USP35: variants seen among roughly 807,000 people sequenced by gnomAD.
USP35 encodes the protein ubiquitin carboxyl-terminal hydrolase 35.
USP35 carries 69 observed loss-of-function variants against 83.8 expected under a neutral mutation model. The observed-to-expected ratio is 0.82, with a 90% CI of 0.68 to 1.01. The LOEUF is 1.01. Among genes scored for constraint, USP35 ranks in the 50% least tolerant of loss-of-function variants. The probability of loss-of-function intolerance (pLI) is 0.00; values close to 1 mark genes in which losing one functional copy is unlikely to be tolerated. For missense variants in USP35, 1,503 were observed against 1,362.5 expected, an observed-to-expected ratio of 1.10 and a Z score of -1.62; for synonymous variants, 714 against 589.5, an observed-to-expected ratio of 1.21 and a Z score of -3.06.
chr11:78,190,233 A>T (rs1862960535), intron 1 of USP35, among the ~76,000 whole-genome samples: 1 of 151,912 alleles, frequency 6.6e-6, no homozygotes, highest in South Asian at 2.1e-4. Flanking sequence ...AACCAGGAAC[A>T]GATTTTTGTT....
At chr11:78,230,554 T>A in the USP35 span, among the ~76,000 whole-genome samples, 1 of 152,242 alleles carries the variant, frequency 6.6e-6, no homozygotes, top group Non-Finnish European at 1.5e-5. Flanking sequence ...CTTATGTCAG[T>A]TATTCAGGTC....
the USP35 span, chr11:78,226,619 G>GGGGGGGGGGGGGGCC: frequency 2.1e-6 from 2 of 952,182 alleles, no homozygotes; most frequent in Non-Finnish European, 3.2e-6. Flanking sequence ...GGCGGGGTGG[G>GGGGGGGGGGGGGGCC]GGAGCTATGG....
At chr11:78,207,708 G>T (rs1017832005) in intron 8 of USP35, 85 bp downstream of exon 8, 15 of 1,358,354 alleles carry the variant, frequency 1.1e-5, no homozygotes, top group Non-Finnish European at 1.4e-5. Flanking sequence ...CCCAGGACCT[G>T]CCTGCATCTG....
At chr11:78,198,340 T>G (rs775105889) in intron 3 of USP35, among the ~76,000 whole-genome samples, 2 of 152,154 alleles carry the variant, frequency 1.3e-5, no homozygotes, top group Non-Finnish European at 2.9e-5. Flanking sequence ...TCAGCCTCAG[T>G]TTCCCCCTCT....
chr11:78,195,458 G>A (rs1863115746), intron 1 of USP35, among the ~76,000 whole-genome samples: 1 of 152,146 alleles, frequency 6.6e-6, no homozygotes, highest in African/African-American at 2.4e-5. Flanking sequence ...GAAAGAGTGC[G>A]AGGCATTCTG....
chr11:78,197,217 C>T (rs1863179429), intron 2 of USP35, among the ~76,000 whole-genome samples: 2 of 92,790 alleles, frequency 2.2e-5, no homozygotes, highest in South Asian at 7.1e-4. Flanking sequence ...GAGCAAGCCA[C>T]AGGATTTGGG....
At position 78,189,121 on chromosome 11, in the gene USP35, G is replaced by T. The variant is rs1862921161; in HGVS notation, c.-47G>T. ...TCGTCCTGCCCGGCCTGAGCGCCCC[G>T]CCCAGCAGCCGGCTCTGGCCCACCG... On this transcript the variant is annotated 5_prime_UTR_variant, in exon 1 of 11. Transcript: ENST00000529308. 3.5e-6 allele frequency: 1 copy of T among 282,010 alleles called. No homozygotes were observed. The highest frequency in any genetic ancestry group is 1.4e-4 in the South Asian group (1 of 7,346). The allele number at this position is 282,010 out of a possible 1,614,324, so 17.5% of individuals were successfully genotyped here.
chr11:78,233,585 A>G, the USP35 span, among the ~76,000 whole-genome samples: 4 of 152,112 alleles, frequency 2.6e-5, no homozygotes, highest in Non-Finnish European at 5.9e-5. Flanking sequence ...TGCGCGTTGA[A>G]TATTTTCTCG....
chr11:78,225,111 G>T, the USP35 span: 7 of 1,608,254 alleles, frequency 4.4e-6, no homozygotes, highest in Non-Finnish European at 4.3e-6. Flanking sequence ...CACTCACCAG[G>T]AAAGAGCCAA....
chr11:78,198,801 G>A (rs1863237013), intron 3 of USP35: 1 of 686,542 alleles, frequency 1.5e-6, no homozygotes, highest in Non-Finnish European at 1.8e-6. Flanking sequence ...CTCTGTTTGA[G>A]TTTCCTCAAC....
At chr11:78,189,444 G>A (rs1276367094) in intron 1 of USP35, among the ~76,000 whole-genome samples, 2 of 152,222 alleles carry the variant, frequency 1.3e-5, no homozygotes, top group African/African-American at 4.8e-5. Context: ...TTTTCGTGGG[G>A]CCCTCCAGCT....
rs1863154407 is a variant in USP35 at position 78,196,621 on chromosome 11, C to A, written c.376C>A (p.Arg126Ser). The A allele has an allele frequency of 6.1e-6, 8 of 1,302,950 alleles. No individual in the cohort carries two copies. The East Asian group carries it at 2.4e-4, about 40-fold the overall frequency. The allele number at this position is 1,302,950 out of a possible 1,614,324, so 80.7% of individuals were successfully genotyped here. The change falls in exon 2 of 11, where the codon CGC becomes AGC. Residue 126 changes from arginine to serine, a missense_variant. Transcript: ENST00000529308. The surrounding 1 kb of genome is among the most constrained non-coding windows in gnomAD (Gnocchi z 4.8). ...CGACGAGGTGTTCGCGCTGCTGCGG[C>A]GCGAGGTGCTGCGCACCGTGTGCGA... ...AADEVFALLR[R>S]EVLRTVCERP...
rs868485745 is a variant in USP35 at position 78,214,103 on chromosome 11, C to T, written c.*290C>T. 13 of 326,374 alleles carry T rather than the reference C, an allele frequency of 4.0e-5. No individual in the cohort carries two copies. The highest frequency in any genetic ancestry group is 1.6e-3 in the Middle Eastern group (2 of 1,216). 20.2% of individuals were successfully genotyped at this position (326,374 alleles called of 1,614,324 possible). A position where few individuals can be genotyped will look rare whatever the true frequency, so the allele number is the denominator to read the frequency against. On this transcript the variant is annotated 3_prime_UTR_variant, in exon 11 of 11. Transcript: ENST00000529308. ...CCTCCCCCTCCTTCCCTAGCAGGCT[C>T]CCCATGCGGGAAGATCTGATGATGT...
At chr11:78,202,084 T>C (rs866437781) in intron 6 of USP35, among the ~76,000 whole-genome samples, 15 of 152,178 alleles carry the variant, frequency 9.9e-5, no homozygotes, top group African/African-American at 3.1e-4. Flanking sequence ...AAGAGATAAC[T>C]GAATTCCAGA....
chr11:78,208,440 T>TG (rs757480423), intron 8 of USP35, among the ~76,000 whole-genome samples: 11 of 152,108 alleles, frequency 7.2e-5, no homozygotes, highest in Admixed American at 2.0e-4. Context: ...AAGCTCTGTG[T>TG]GGGGGCACAG....
chr11:78,230,761 T>C, the USP35 span, among the ~76,000 whole-genome samples: 2 of 152,354 alleles, frequency 1.3e-5, no homozygotes, highest in South Asian at 2.1e-4. Context: ...GGCAGGGAAT[T>C]TGTTCTAGCA....
Position 78,209,545 on chromosome 11 carries a change from A to T in USP35, c.1690A>T (p.Thr564Ser), listed in dbSNP as rs1296796661. 1.2e-6 allele frequency: 2 copies of T among 1,613,968 alleles called. No homozygotes were observed. The highest frequency in any genetic ancestry group is 2.2e-5 in the East Asian group (1 of 44,860). ...CGAGGAGCCCCCGGCCCCAAGTTCA[A>T]CCTCTGTGGAAAAAATGTTTGGAGG... ...PPEEPPAPSS[T>S]SVEKMFGGKI... The change falls in exon 10 of 11, where the codon ACC (threonine) becomes TCC (serine). Residue 564 changes from threonine (T) to serine (S), a missense_variant. Thr to Ser is a moderately conservative substitution (Grantham distance 58). Coordinates refer to ENST00000529308, the MANE Select transcript of USP35 (RefSeq NM_020798.4).
At chr11:78,194,585 T>C (rs1863088204) in intron 1 of USP35, among the ~76,000 whole-genome samples, 1 of 152,164 alleles carries the variant, frequency 6.6e-6, no homozygotes, top group African/African-American at 2.4e-5. Context: ...ACGTGTTAGA[T>C]GTTAAGAGAG....
the USP35 span, among the ~76,000 whole-genome samples, chr11:78,231,329 CGT>C: frequency 9.5e-5 from 11 of 115,728 alleles, no homozygotes; most frequent in Admixed American, 3.6e-4. Context: ...CGCGCGCGCG[CGT>C]GTGTGGTGTG....
Sources: allele counts gnomAD v4.1 joint callset (sites outside exome capture counted in the v4.1 genomes callset), GRCh38; gene constraint gnomAD v4.1.1; non-coding constraint Gnocchi (gnomAD v3.1); transcripts MANE v1.5; gene names NCBI Gene and HGNC (gene_info 2026-07-23, HGNC 2026-07-21).